PID1: variants seen among roughly 807,000 people sequenced by gnomAD.
PID1 encodes the protein phosphotyrosine interaction domain containing 1, also known as PTB-containing, cubilin and LRP1-interacting protein.
In PID1, 10 loss-of-function variants were observed where a neutral mutation model predicts 19.1. The ratio of observed to expected loss-of-function variants is 0.52; its 90% CI spans 0.32 to 0.89. The LOEUF is 0.89. PID1 is among the 40% of genes least tolerant of loss of function. The pLI is 0.03. For missense variants in PID1, 248 were observed against 285.3 expected, an observed-to-expected ratio of 0.87 and a Z score of 0.94; for synonymous variants, 130 against 116.0, an observed-to-expected ratio of 1.12 and a Z score of -0.78.
intron 1 of PID1, among the ~76,000 whole-genome samples, chr2:229,182,227 G>T (rs1489190721): frequency 6.6e-6 from 1 of 151,948 alleles, no homozygotes; most frequent in Non-Finnish European, 1.5e-5. Context: ...TGATGTATCA[G>T]TGCAGGTTCA....
intron 2 of PID1, among the ~76,000 whole-genome samples, chr2:229,058,270 T>C (rs1260178574): frequency 6.6e-6 from 1 of 152,242 alleles, no homozygotes. Context: ...GTATGTTCTG[T>C]TTCTTTAATG....
chr2:229,174,589 C>A (rs1257435176), intron 1 of PID1, among the ~76,000 whole-genome samples: 2 of 151,930 alleles, frequency 1.3e-5, no homozygotes, highest in Non-Finnish European at 2.9e-5. Context: ...AGACTGTCCC[C>A]ATTACCTCCC....
intron 2 of PID1, among the ~76,000 whole-genome samples, chr2:229,155,546 C>G (rs1690348958): frequency 1.3e-5 from 2 of 149,682 alleles, no homozygotes; most frequent in Non-Finnish European, 3.0e-5. Flanking sequence ...GCACTCCAGC[C>G]TGGGCGACAG....
intron 1 of PID1, among the ~76,000 whole-genome samples, chr2:229,200,992 G>A (rs1379994080): frequency 2.6e-5 from 4 of 152,054 alleles, no homozygotes; most frequent in South Asian, 4.2e-4. Flanking sequence ...GATATGCTTC[G>A]ATACCATGAA....
At chr2:229,063,736 C>T (rs1694261418) in intron 2 of PID1, among the ~76,000 whole-genome samples, 1 of 151,984 alleles carries the variant, frequency 6.6e-6, no homozygotes, top group Non-Finnish European at 1.5e-5. Context: ...AAGTCCCCTA[C>T]TATTATTGTA....
chr2:229,246,436 C>T (rs1367501910), intron 1 of PID1, among the ~76,000 whole-genome samples: 1 of 152,162 alleles, frequency 6.6e-6, no homozygotes, highest in African/African-American at 2.4e-5. Context: ...CAGAAACACA[C>T]ATACACATAA....
chr2:229,224,071 A>G (rs968366816), intron 1 of PID1, among the ~76,000 whole-genome samples: 2 of 152,274 alleles, frequency 1.3e-5, no homozygotes, highest in South Asian at 2.1e-4. Context: ...ACTTAGGATA[A>G]TGGCTTCCAG....
intron 2 of PID1, among the ~76,000 whole-genome samples, chr2:229,107,300 A>G (rs1018337745): frequency 2.0e-5 from 3 of 152,116 alleles, no homozygotes; most frequent in African/African-American, 7.2e-5. Context: ...CAGTAGCCCT[A>G]AGAAACTAAT....
At chr2:229,069,422 G>A (rs1694407400) in intron 2 of PID1, among the ~76,000 whole-genome samples, 1 of 152,018 alleles carries the variant, frequency 6.6e-6, no homozygotes, top group Non-Finnish European at 1.5e-5. Context: ...ATGAGTCACA[G>A]GGCCAGAACT....
intron 2 of PID1, among the ~76,000 whole-genome samples, chr2:229,081,460 T>C (rs932083489): frequency 1.3e-5 from 2 of 152,168 alleles, no homozygotes; most frequent in Non-Finnish European, 2.9e-5. Context: ...GAAACTTTAA[T>C]GAAAGGAGAA....
intron 1 of PID1, among the ~76,000 whole-genome samples, chr2:229,238,768 A>G (rs111249933): frequency 3.9e-5 from 6 of 152,226 alleles, no homozygotes; most frequent in African/African-American, 1.4e-4. Context: ...CATCTCAGAG[A>G]GCATTACCAA....
At chr2:229,147,932 C>A (rs974633024) in intron 2 of PID1, among the ~76,000 whole-genome samples, 2 of 152,188 alleles carry the variant, frequency 1.3e-5, no homozygotes, top group Non-Finnish European at 2.9e-5. Flanking sequence ...TGGAAGCTTT[C>A]AGGGATCTCC....
chr2:229,083,498 T>A (rs1559225403), intron 2 of PID1, among the ~76,000 whole-genome samples: 1 of 152,186 alleles, frequency 6.6e-6, no homozygotes, highest in Non-Finnish European at 1.5e-5. Context: ...AACACTAGTA[T>A]GACACTAAAG....
intron 2 of PID1, among the ~76,000 whole-genome samples, chr2:229,141,376 G>C (rs1690007616): frequency 1.3e-5 from 2 of 152,074 alleles, no homozygotes; most frequent in African/African-American, 4.8e-5. Context: ...GAAATCTCTG[G>C]AAGGAGAATA....
chr2:229,044,244 G>A (rs746013672), intron 2 of PID1, among the ~76,000 whole-genome samples: 1 of 151,910 alleles, frequency 6.6e-6, no homozygotes, highest in Non-Finnish European at 1.5e-5. Flanking sequence ...ATCACCTGAC[G>A]CATGAGGATG....
rs535765061 is a variant in PID1, at chr2:229,246,314, TA to T, written c.30+24699del. ...TAACATAACTATGAAATTATGCAAG[TA>T]AATACCATCCTCATTCACGTAACAT... On this transcript the variant is annotated intron_variant, in intron 1 of 2. Transcript: ENST00000392055. 1.1e-4 allele frequency among the ~76,000 whole-genome samples: 16 copies of T among 152,244 alleles called. No individual in the cohort carries two copies. The South Asian group carries it at 3.3e-3, about 32-fold the overall frequency.
intron 2 of PID1, among the ~76,000 whole-genome samples, chr2:229,077,402 G>A (rs1382137147): frequency 6.6e-6 from 1 of 152,170 alleles, no homozygotes; most frequent in African/African-American, 2.4e-5. Flanking sequence ...GATCCCATTA[G>A]TCAATTTTGG....
chr2:229,256,169 C>T (rs1490862371), intron 1 of PID1, among the ~76,000 whole-genome samples: 1 of 152,086 alleles, frequency 6.6e-6, no homozygotes, highest in Non-Finnish European at 1.5e-5. Context: ...GTGAGATGCA[C>T]CAAGGAAAGC....
chr2:229,036,758 A>G (rs927733648), intron 2 of PID1, among the ~76,000 whole-genome samples: 1 of 152,200 alleles, frequency 6.6e-6, no homozygotes, highest in African/African-American at 2.4e-5. Flanking sequence ...AAAAAAACAA[A>G]ACACAACAAA....
Sources: allele counts gnomAD v4.1 joint callset (sites outside exome capture counted in the v4.1 genomes callset), GRCh38; gene constraint gnomAD v4.1.1; transcripts MANE v1.5; gene names NCBI Gene and HGNC (gene_info 2026-07-23, HGNC 2026-07-21).